WWP2: variants seen among roughly 807,000 people sequenced by gnomAD.
The protein encoded by WWP2 is WW domain containing E3 ubiquitin protein ligase 2, also known as NEDD4-like E3 ubiquitin-protein ligase WWP2.
A neutral mutation model predicts 121.0 loss-of-function variants in WWP2; 57 were observed. The ratio of observed to expected loss-of-function variants is 0.47; its 90% CI spans 0.38 to 0.59. The LOEUF (loss-of-function observed/expected upper bound fraction) is 0.59. WWP2 is among the 20% of genes least tolerant of loss of function. WWP2 has a pLI of 0.00. For missense variants in WWP2, 962 were observed against 1,158.9 expected (o/e 0.83, Z 2.47); for synonymous variants, 449 against 441.3 (o/e 1.02, Z -0.22).
At chr16:69,818,838 C>T (rs1443002821) in intron 4 of WWP2, among the ~76,000 whole-genome samples, 2 of 152,048 alleles carry the variant, frequency 1.3e-5, no homozygotes, top group East Asian at 1.9e-4. Context: ...TAATTTACCC[C>T]CCTTTCATTC....
chr16:69,862,837 C>T (rs2057449824), intron 6 of WWP2, among the ~76,000 whole-genome samples: 1 of 151,240 alleles, frequency 6.6e-6, no homozygotes, highest in Non-Finnish European at 1.5e-5. Context: ...ATGATTCTCC[C>T]ACCTCAGCCT....
intron 8 of WWP2, among the ~76,000 whole-genome samples, chr16:69,904,232 G>A (rs903011422): frequency 6.6e-6 from 1 of 152,174 alleles, no homozygotes; most frequent in Non-Finnish European, 1.5e-5. Flanking sequence ...CAGTATGTCG[G>A]CTGTCTTCTG....
rs776643222 is a variant in WWP2 at position 69,787,132 on chromosome 16, A to T, written c.70+52A>T. 4 of 1,539,072 alleles carry T rather than the reference A, an allele frequency of 2.6e-6. No homozygotes were observed. In the South Asian group the frequency reaches 3.7e-5, roughly 14 times the overall value. Reference sequence around the variant, plus strand: ...TCTTGTCTACGCCCAGGGAAGAGGGAGAATCTAACCACACCTTGGTCTGGG... The same window carrying T: ...TCTTGTCTACGCCCAGGGAAGAGGGTGAATCTAACCACACCTTGGTCTGGG... On this transcript the variant is annotated intron_variant, in intron 2 of 23. Transcript: ENST00000359154.
chr16:69,764,252 T>G (rs891859700), intron 1 of WWP2, among the ~76,000 whole-genome samples: 14 of 152,182 alleles, frequency 9.2e-5, no homozygotes. Context: ...CAGGCTGGAG[T>G]GCAGTGGCAC....
intron 2 of WWP2, among the ~76,000 whole-genome samples, chr16:69,793,660 TA>T (rs1299037189): frequency 6.6e-6 from 1 of 150,682 alleles, no homozygotes; most frequent in Admixed American, 6.6e-5. Flanking sequence ...GCAAAGTCAG[TA>T]GATTGCCAGA....
intron 10 of WWP2, among the ~76,000 whole-genome samples, chr16:69,922,010 G>T (rs1173117952): frequency 1.3e-5 from 2 of 151,082 alleles, no homozygotes; most frequent in East Asian, 3.9e-4. Flanking sequence ...GGAGGCAGAG[G>T]TTGGTTGTGG....
chr16:69,828,024 G>A, intron 4 of WWP2: 2 of 414,712 alleles, frequency 4.8e-6, no homozygotes, highest in South Asian at 3.6e-5. Context: ...TGTTACGTGG[G>A]TGACTGTAAT....
intron 10 of WWP2, among the ~76,000 whole-genome samples, chr16:69,924,047 C>T (rs1328397670): frequency 2.0e-5 from 3 of 152,202 alleles, no homozygotes; most frequent in Non-Finnish European, 2.9e-5. Flanking sequence ...AGGTGAGCTT[C>T]CCCCACCTCC....
At chr16:69,815,795 A>G (rs553688199) in intron 4 of WWP2, among the ~76,000 whole-genome samples, 2 of 152,040 alleles carry the variant, frequency 1.3e-5, no homozygotes, top group South Asian at 2.1e-4. Context: ...TCGAAAAAAA[A>G]AAAAAAAAGG....
chr16:69,784,487 C>T (rs2055740280), intron 1 of WWP2, among the ~76,000 whole-genome samples: 1 of 152,172 alleles, frequency 6.6e-6, no homozygotes, highest in African/African-American at 2.4e-5. Flanking sequence ...GTGAGTAAAG[C>T]AGTTGGTGCT....
intron 6 of WWP2, among the ~76,000 whole-genome samples, chr16:69,847,745 CAG>C (rs1265122832): frequency 6.6e-6 from 1 of 152,076 alleles, no homozygotes; most frequent in Non-Finnish European, 1.5e-5. Context: ...AGGTTCCCAA[CAG>C]AGAGAACTCA....
Position 69,842,094 on chromosome 16 carries a change from C to G in WWP2, c.549C>G (p.Ser183Arg). 1.2e-6 allele frequency: 2 copies of G among 1,613,262 alleles called. No individual in the cohort carries two copies. The highest frequency in any genetic ancestry group is 1.7e-6 in the Non-Finnish European group (2 of 1,179,764). Residue 183 changes from serine to arginine, a missense_variant, in exon 6 of 24, where the codon AGC becomes AGG. Ser to Arg is a moderately radical substitution (Grantham distance 110). This residue lies in a region of WWP2 where 211 missense variants were observed against 196.5 expected (regional missense o/e 1.07). Coordinates refer to ENST00000359154, the MANE Select transcript of WWP2 (RefSeq NM_001270454.2). ...CAGAGAACCGGCACCAGCCCCCCAGCACAAACTGCTTTGGTGGAAGATCCC... is the reference window on the plus strand; with the variant it reads ...CAGAGAACCGGCACCAGCCCCCCAGGACAAACTGCTTTGGTGGAAGATCCC... The part of the protein sequence containing the change: ...VAPENRHQPP[S>R]TNCFGGRSRT...
chr16:69,783,990 C>T (rs372091856), intron 1 of WWP2, among the ~76,000 whole-genome samples: 16 of 151,828 alleles, frequency 1.1e-4, no homozygotes, highest in African/African-American at 3.6e-4. Flanking sequence ...AAGAATTTAA[C>T]AGCATCAGTT....
intron 8 of WWP2, among the ~76,000 whole-genome samples, chr16:69,899,726 CAAAAAAAA>C (rs35485826): frequency 3.1e-5 from 2 of 64,754 alleles, no homozygotes; most frequent in Admixed American, 4.4e-4. Flanking sequence ...GACTCCGTCT[CAAAAAAAA>C]AAAAAAAAAA....
chr16:69,816,420 T>TA (rs922107285), intron 4 of WWP2, among the ~76,000 whole-genome samples: 8 of 147,806 alleles, frequency 5.4e-5, no homozygotes, highest in East Asian at 3.9e-4. Context: ...ACCGCTCTAT[T>TA]AAAAAAAAAT....
chr16:69,799,213 G>A lies in WWP2; in HGVS notation c.258G>A (p.Trp86Ter), dbSNP rs1457217205. ...TAQSHLDLKV[W>*]SCHTLRNELL... ...AGAGTCATTTAGATTTAAAGGTCTG[G>A]AGCTGCCATACCTTGAGAAATGAAC... Residue 86 changes from tryptophan (W) to a stop codon, truncating the protein, a stop_gained, in exon 4 of 24, where the codon TGG becomes TGA. Transcript: ENST00000359154. LOFTEE classifies it high-confidence loss of function. The surrounding 1 kb of genome is among the most constrained non-coding windows in gnomAD (Gnocchi z 4.5). 2 of 1,614,048 alleles carry A rather than the reference G, an allele frequency of 1.2e-6. No individual in the cohort carries two copies. Among genetic ancestry groups the A allele is most frequent in the Non-Finnish European group, 1.7e-6 (2 of 1,180,008 alleles).
chr16:69,880,445 T>C (rs2057806829), intron 7 of WWP2, among the ~76,000 whole-genome samples: 1 of 152,182 alleles, frequency 6.6e-6, no homozygotes, highest in Non-Finnish European at 1.5e-5. Context: ...TGATCGTTCA[T>C]ACATTTTCAA....
chr16:69,845,065 C>T (rs573575628), intron 6 of WWP2, among the ~76,000 whole-genome samples: 2 of 152,064 alleles, frequency 1.3e-5, no homozygotes, highest in Non-Finnish European at 2.9e-5. Context: ...AGATGCAGAT[C>T]GAATCCTGGC....
chr16:69,878,932 GT>G (rs2057779296), intron 7 of WWP2, among the ~76,000 whole-genome samples: 1 of 152,148 alleles, frequency 6.6e-6, no homozygotes, highest in Non-Finnish European at 1.5e-5. Flanking sequence ...ATCCAAAGTA[GT>G]ATAAAATATT....
Sources: gnomAD v4.1 joint callset for allele counts (sites outside exome capture counted in the v4.1 genomes callset) on GRCh38, gnomAD v4.1.1 for gene constraint, gnomAD v4.1.1 regional missense constraint, Gnocchi (gnomAD v3.1) non-coding constraint, MANE v1.5 for transcripts, NCBI Gene and HGNC (gene_info 2026-07-23, HGNC 2026-07-21) for gene names.